CALN1: variants seen among roughly 807,000 people sequenced by gnomAD.
CALN1 encodes the protein calcium-binding protein 8.
CALN1 carries 17 observed loss-of-function variants against 30.6 expected under a neutral mutation model. The ratio of observed to expected loss-of-function variants is 0.56; its 90% CI spans 0.38 to 0.83. The LOEUF is 0.83. CALN1 is among the 40% of genes least tolerant of loss of function. CALN1 has a pLI of 0.00. For missense variants in CALN1, 291 were observed against 354.9 expected, an observed-to-expected ratio of 0.82 and a Z score of 1.45; for synonymous variants, 156 against 131.4, an observed-to-expected ratio of 1.19 and a Z score of -1.28.
intron 3 of CALN1, among the ~76,000 whole-genome samples, chr7:72,114,813 G>A (rs531751890): frequency 2.0e-5 from 3 of 152,176 alleles, no homozygotes; most frequent in Non-Finnish European, 4.4e-5. Context: ...AGCCAACATG[G>A]CGAAACCCCG....
intron 6 of CALN1, among the ~76,000 whole-genome samples, chr7:71,800,787 C>A (rs1238373980): frequency 6.6e-6 from 1 of 151,858 alleles, no homozygotes; most frequent in Non-Finnish European, 1.5e-5. Flanking sequence ...AAATTATTTT[C>A]TTTTGTTTTG....
At chr7:71,909,985 C>A (rs950423557) in intron 5 of CALN1, among the ~76,000 whole-genome samples, 1 of 152,150 alleles carries the variant, frequency 6.6e-6, no homozygotes, top group Non-Finnish European at 1.5e-5. Flanking sequence ...AAAGGAGAAG[C>A]AAAGGCACAT....
At chr7:72,125,131 C>T (rs534375205) in intron 3 of CALN1, among the ~76,000 whole-genome samples, 100 of 152,198 alleles carry the variant, frequency 6.6e-4, no homozygotes, top group African/African-American at 2.3e-3. Flanking sequence ...CAGGTTCAAG[C>T]GATTCCTGTG....
chr7:71,976,008 G>A (rs984896038), intron 5 of CALN1, among the ~76,000 whole-genome samples: 16 of 151,348 alleles, frequency 1.1e-4, no homozygotes, highest in African/African-American at 1.5e-4. Flanking sequence ...TTGAGATCTC[G>A]AGTACACTCT....
At chr7:72,495,414 T>C in the CALN1 span, among the ~76,000 whole-genome samples, 1 of 152,106 alleles carries the variant, frequency 6.6e-6, no homozygotes, top group African/African-American at 2.4e-5. Flanking sequence ...CCACGGTCCT[T>C]CAGTAAATAT....
intron 3 of CALN1, among the ~76,000 whole-genome samples, chr7:72,262,292 C>T (rs1796319225): frequency 6.6e-6 from 1 of 152,192 alleles, no homozygotes; most frequent in Non-Finnish European, 1.5e-5. Flanking sequence ...GCATATGCAG[C>T]CATCTGCAGA....
chr7:71,889,314 T>G (rs1449756293), intron 5 of CALN1, among the ~76,000 whole-genome samples: 1 of 152,200 alleles, frequency 6.6e-6, no homozygotes, highest in Non-Finnish European at 1.5e-5. Context: ...GGGGCTCTTT[T>G]ATTTATTTAT....
chr7:71,885,525 C>T (rs1014980597), intron 5 of CALN1, among the ~76,000 whole-genome samples: 6 of 152,182 alleles, frequency 3.9e-5, no homozygotes, highest in African/African-American at 1.2e-4. Flanking sequence ...AAGCTGCACC[C>T]GGACCACCGT....
rs182893954 is a variant in CALN1 at position 71,779,567 on chromosome 7, A to C, written c.*8208T>G. On this transcript the variant is annotated 3_prime_UTR_variant, in exon 7 of 7. Coordinates refer to ENST00000395275, the MANE Select transcript of CALN1 (RefSeq NM_031468.4). Reference sequence around the variant, plus strand: ...TAGACTCTTTTTATACAGATTATATATTTACAGACAAGTTCGGTTAAAGAA... The same window carrying C: ...TAGACTCTTTTTATACAGATTATATCTTTACAGACAAGTTCGGTTAAAGAA... 60 of 152,336 alleles carry C rather than the reference A, an allele frequency of 3.9e-4. 1 individual carries two copies. Among genetic ancestry groups the C allele is most frequent in the African/African-American group, 1.4e-3 (59 of 41,572 alleles). 9.4% of individuals were successfully genotyped at this position (152,336 alleles called of 1,614,324 possible).
chr7:72,260,323 T>A (rs1796180912), intron 3 of CALN1, among the ~76,000 whole-genome samples: 1 of 152,202 alleles, frequency 6.6e-6, no homozygotes, highest in South Asian at 2.1e-4. Context: ...TTTGACAAAC[T>A]CCGTTTGTTG....
intron 5 of CALN1, among the ~76,000 whole-genome samples, chr7:71,817,512 T>C (rs944396557): frequency 1.3e-5 from 2 of 152,184 alleles, no homozygotes; most frequent in Admixed American, 1.3e-4. Flanking sequence ...ATTTATTTGT[T>C]TATTCATTTA....
At chr7:72,254,215 G>A (rs1379426669) in intron 3 of CALN1, among the ~76,000 whole-genome samples, 1 of 152,170 alleles carries the variant, frequency 6.6e-6, no homozygotes. Flanking sequence ...ATAGAATCTT[G>A]TGATGAAGTC....
chr7:71,850,459 T>G (rs1406759158), intron 5 of CALN1, among the ~76,000 whole-genome samples: 1 of 152,174 alleles, frequency 6.6e-6, no homozygotes, highest in Non-Finnish European at 1.5e-5. Flanking sequence ...CTCAGATGAT[T>G]CACCTGCCTT....
chr7:72,393,625 C>A (rs552164262), intron 2 of CALN1, among the ~76,000 whole-genome samples: 1 of 152,230 alleles, frequency 6.6e-6, no homozygotes, highest in East Asian at 1.9e-4. Flanking sequence ...TGTCCCACAG[C>A]TGGGCCCCCC....
intron 5 of CALN1, among the ~76,000 whole-genome samples, chr7:71,863,028 A>G (rs1472007444): frequency 8.3e-6 from 1 of 121,106 alleles, no homozygotes; most frequent in Non-Finnish European, 1.6e-5. Context: ...GGAAGCCGAA[A>G]TGAGTGGATC....
At chr7:71,955,784 A>T (rs2129524651) in intron 5 of CALN1, among the ~76,000 whole-genome samples, 1 of 152,040 alleles carries the variant, frequency 6.6e-6, no homozygotes. Flanking sequence ...CCTGACTATG[A>T]TGCACTTATT....
upstream of CALN1, among the ~76,000 whole-genome samples, chr7:72,448,026 C>A (rs1393628455): frequency 1.3e-5 from 2 of 151,320 alleles, no homozygotes; most frequent in Non-Finnish European, 3.0e-5. Flanking sequence ...ACACACATGC[C>A]CGCTCAGGTT....
At chr7:71,833,851 T>C (rs529475066) in intron 5 of CALN1, among the ~76,000 whole-genome samples, 2 of 152,222 alleles carry the variant, frequency 1.3e-5, no homozygotes, top group South Asian at 2.1e-4. Context: ...AGTTCAAGGC[T>C]GAGCTATGAT....
chr7:72,020,712 G>A (rs1250679926), intron 5 of CALN1, among the ~76,000 whole-genome samples: 1 of 152,144 alleles, frequency 6.6e-6, no homozygotes, highest in East Asian at 1.9e-4. Flanking sequence ...AAAATCTTGA[G>A]TAAGACAAAA....
Sources: allele counts gnomAD v4.1 joint callset (sites outside exome capture counted in the v4.1 genomes callset), GRCh38; gene constraint gnomAD v4.1.1; transcripts MANE v1.5; gene names NCBI Gene and HGNC (gene_info 2026-07-23, HGNC 2026-07-21).